The following CAMK2B variants were observed in gnomAD, a reference collection of about 807,000 sequenced individuals.
The protein encoded by CAMK2B is calcium/calmodulin-dependent protein kinase type II subunit beta.
Under a neutral mutation model 93.7 loss-of-function variants are expected in CAMK2B, and 27 were observed. The ratio of observed to expected loss-of-function variants is 0.29; its 90% CI spans 0.21 to 0.40. CAMK2B has a LOEUF of 0.40. CAMK2B is among the 10% of genes least tolerant of loss of function. CAMK2B has a pLI of 1.00. For missense variants in CAMK2B, 568 were observed against 895.8 expected (o/e 0.63, Z 4.67); for synonymous variants, 374 against 358.8 (o/e 1.04, Z -0.48).
Position 44,285,508 on chromosome 7 carries a change from A to G in CAMK2B, c.66-1283T>C, listed in dbSNP as rs148693692. Among the ~76,000 whole-genome samples the G allele has an allele frequency of 3.7e-3, 563 of 152,256 alleles. 3 individuals carry two copies. Among genetic ancestry groups the G allele is most frequent in the African/African-American group, 0.013 (542 of 41,574 alleles). ...TCGGCCTGGACAGCCTGAGAAACCC[A>G]CATGGGAGTCCAGGCCAAGGGCTCT... On this transcript the variant is annotated intron_variant, in intron 1 of 23. Coordinates refer to ENST00000395749, the MANE Select transcript of CAMK2B (RefSeq NM_001220.5).
chr7:44,254,801 T>TCACCACCAACCA (rs2096820544), intron 4 of CAMK2B, among the ~76,000 whole-genome samples, 194 bp from the exon 5 acceptor site: 1 of 666 alleles, frequency 1.5e-3, no homozygotes, highest in Non-Finnish European at 3.0e-3. Flanking sequence ...CACCACCACC[T>TCACCACCAACCA]CCACCGTATT....
In CAMK2B at chr7:44,226,631, A is replaced by C; in HGVS notation, c.1482T>G (p.Ser494=). The change falls in exon 20 of 24, where the codon TCT becomes TCG. Residue 494 remains serine (S), a synonymous_variant. Coordinates refer to ENST00000395749, the MANE Select transcript of CAMK2B (RefSeq NM_001220.5). ...GPLSSPSPRI[S]DILNSVRRGS... is the part of the protein sequence containing the mutation. ...CCCTCCTCACAGAGTTCAGGATGTC[A>C]GAGATCCTGGGGGCTGGGGCGGAAC... 1 of 1,538,864 alleles carries C rather than the reference A, an allele frequency of 6.5e-7. No homozygotes were observed. Among genetic ancestry groups the C allele is most frequent in the Non-Finnish European group, 8.7e-7 (1 of 1,151,162 alleles).
At chr7:44,267,367 G>C (rs1302629718) in intron 2 of CAMK2B, among the ~76,000 whole-genome samples, 2 of 152,210 alleles carry the variant, frequency 1.3e-5, no homozygotes, top group Non-Finnish European at 2.9e-5. Flanking sequence ...AAGAGGTGAT[G>C]CTTCAGTGGG....
chr7:44,264,730 T>G (rs1190798896), intron 2 of CAMK2B, among the ~76,000 whole-genome samples: 1 of 152,088 alleles, frequency 6.6e-6, no homozygotes, highest in Non-Finnish European at 1.5e-5. Flanking sequence ...CCCTCTCCCC[T>G]CCCACTGAAG....
chr7:44,309,324 G>T (rs969780904), intron 1 of CAMK2B, among the ~76,000 whole-genome samples: 1 of 152,202 alleles, frequency 6.6e-6, no homozygotes, highest in Non-Finnish European at 1.5e-5. Context: ...CTGGCCTGAC[G>T]GGAGAAGGGA....
intron 5 of CAMK2B, among the ~76,000 whole-genome samples, chr7:44,252,351 T>C (rs1335197015): frequency 1.3e-5 from 2 of 151,296 alleles, no homozygotes; most frequent in African/African-American, 4.9e-5. Flanking sequence ...CAAAGACTCC[T>C]AAACCACACA....
At chr7:44,247,635 G>A (rs1364117195) in intron 5 of CAMK2B, among the ~76,000 whole-genome samples, 1 of 152,234 alleles carries the variant, frequency 6.6e-6, no homozygotes, top group African/African-American at 2.4e-5. Flanking sequence ...TGGGGGCAGG[G>A]GGCTGCCCTG....
rs1459438012 is a variant in CAMK2B at position 44,294,138 on chromosome 7, C to T, written c.66-9913G>A. Among the ~76,000 whole-genome samples the T allele has an allele frequency of 2.6e-5, 4 of 152,160 alleles. 1 individual carries two copies. The South Asian group carries it at 6.2e-4, about 24-fold the overall frequency. On this transcript the variant is annotated intron_variant, in intron 1 of 23. Transcript: ENST00000395749. ...CATCCCACACACCTGGCTGACCCCCCTCCAAGGAAGGAAAACCCCAGTCTC... is the reference window on the plus strand; with the variant it reads ...CATCCCACACACCTGGCTGACCCCCTTCCAAGGAAGGAAAACCCCAGTCTC...
chr7:44,274,466 G>A (rs1316187194), intron 2 of CAMK2B, among the ~76,000 whole-genome samples: 1 of 152,128 alleles, frequency 6.6e-6, no homozygotes, highest in African/African-American at 2.4e-5. Flanking sequence ...CCATTCCCAA[G>A]CTCGGTTCCC....
chr7:44,300,646 A>G (rs1047297106), intron 1 of CAMK2B, among the ~76,000 whole-genome samples: 2 of 152,216 alleles, frequency 1.3e-5, no homozygotes, highest in Non-Finnish European at 2.9e-5. Flanking sequence ...AAACTGATGG[A>G]ACTGTAAGGA....
At chr7:44,223,697 T>A (rs1232257517) in intron 20 of CAMK2B, among the ~76,000 whole-genome samples, 1 of 151,446 alleles carries the variant, frequency 6.6e-6, no homozygotes, top group Non-Finnish European at 1.5e-5. Flanking sequence ...TTCCTGGAGG[T>A]GGCCCCAAGC....
At position 44,240,757 on chromosome 7, in the gene CAMK2B, G is replaced by T; in HGVS notation, c.904-8C>A. 1 of 1,613,672 alleles carries T rather than the reference G, an allele frequency of 6.2e-7. No homozygotes were observed. The highest frequency in any genetic ancestry group is 1.1e-5 in the South Asian group (1 of 90,918). ...GGTGGTGAGGATGGCTCCCTGGGGA[G>T]AGACACAGATAAAACCGGGGCTATC... is the stretch of plus-strand genomic sequence containing the variant. On this transcript the variant is annotated splice_region_variant and splice_polypyrimidine_tract_variant and intron_variant, in intron 11 of 23. Transcript: ENST00000395749.
At chr7:44,261,674 A>G (rs969760431) in intron 3 of CAMK2B, among the ~76,000 whole-genome samples, 1 of 152,240 alleles carries the variant, frequency 6.6e-6, no homozygotes, top group Non-Finnish European at 1.5e-5. Context: ...ACTTTTTAAA[A>G]ATAGTTATAT....
chr7:44,265,199 C>T lies in CAMK2B; in HGVS notation c.161-2135G>A, dbSNP rs540082578. Among the ~76,000 whole-genome samples, 3 of 152,390 alleles carry T rather than the reference C, an allele frequency of 2.0e-5. No homozygotes were observed. The East Asian group carries it at 5.8e-4, about 29-fold the overall frequency. Reference sequence around the variant, plus strand: ...CCCGCCCCTGCTTCCATATAACACACTCGCTTCTTCTGACGCGTGTGTAAC... The same window carrying T: ...CCCGCCCCTGCTTCCATATAACACATTCGCTTCTTCTGACGCGTGTGTAAC... On this transcript the variant is annotated intron_variant, in intron 2 of 23. Coordinates refer to ENST00000395749, the MANE Select transcript of CAMK2B (RefSeq NM_001220.5).
chr7:44,284,050 C>T, intron 2 of CAMK2B, 81 bp downstream of exon 2: 1 of 1,024,752 alleles, frequency 9.8e-7, no homozygotes, highest in Non-Finnish European at 1.5e-6. Context: ...GAGGGGCCTG[C>T]TGCCCAGTCC....
intron 8 of CAMK2B, 146 bp from the exon 9 acceptor site, chr7:44,242,800 A>G: frequency 1.6e-6 from 1 of 637,078 alleles, no homozygotes; most frequent in South Asian, 1.8e-5. Flanking sequence ...CCTGTGCAGC[A>G]GACACTGGGG....
At chr7:44,231,827 G>C (rs918990410) in intron 16 of CAMK2B, among the ~76,000 whole-genome samples, 7 of 152,212 alleles carry the variant, frequency 4.6e-5, no homozygotes, top group African/African-American at 1.7e-4. Flanking sequence ...AGGTCCCCAG[G>C]AGGCCTGCTC....
At chr7:44,288,920 C>T (rs1301921600) in intron 1 of CAMK2B, among the ~76,000 whole-genome samples, 3 of 152,044 alleles carry the variant, frequency 2.0e-5, no homozygotes, top group Admixed American at 2.0e-4. Flanking sequence ...ACTGCAGCCA[C>T]CCAGGGCAGT....
Position 44,220,220 on chromosome 7 carries a change from C to T in CAMK2B, c.1843G>A (p.Ala615Thr), listed in dbSNP as rs757820225. 2.5e-6 allele frequency: 4 copies of T among 1,613,342 alleles called. No individual in the cohort carries two copies. Among genetic ancestry groups the T allele is most frequent in the Non-Finnish European group, 3.4e-6 (4 of 1,180,022 alleles). The change falls in exon 23 of 24, where the codon GCC becomes ACC. Residue 615 changes from alanine (A) to threonine (T), a missense_variant. By Grantham distance (58) the Ala-to-Thr change is moderately conservative. This residue lies in a region of CAMK2B where 116 missense variants were observed against 188.0 expected (regional missense o/e 0.62). Coordinates refer to ENST00000395749, the MANE Select transcript of CAMK2B (RefSeq NM_001220.5). ...GTGAGCCGGATGTAAGCGATGCAGG[C>T]GGCATCCTCTCCAATGACGTGCACG... ...PHVHVIGEDA[A>T]CIAYIRLTQY...
Sources: allele counts gnomAD v4.1 joint callset (sites outside exome capture counted in the v4.1 genomes callset), GRCh38; gene constraint gnomAD v4.1.1; regional missense constraint gnomAD v4.1.1; transcripts MANE v1.5; gene names NCBI Gene and HGNC (gene_info 2026-07-23, HGNC 2026-07-21).